Variants in DCAF10 observed in about 807,000 individuals in gnomAD.
DCAF10 encodes the protein DDB1- and CUL4-associated factor 10.
Under a neutral mutation model 51.9 loss-of-function variants are expected in DCAF10, and 19 were observed. The observed-to-expected ratio is 0.37, with a 90% CI of 0.26 to 0.54. The LOEUF (loss-of-function observed/expected upper bound fraction) is 0.54. Ranked by LOEUF, DCAF10 falls within the 20% of genes least tolerant of loss-of-function variation. DCAF10 has a pLI of 0.87. For missense variants in DCAF10, 510 were observed against 730.6 expected (o/e 0.70, Z 3.48); for synonymous variants, 291 against 297.1 (o/e 0.98, Z 0.21).
At position 37,801,424 on chromosome 9, in the gene DCAF10, A is replaced by G. The variant is rs1276686142; in HGVS notation, c.539+19A>G. On this transcript the variant is annotated intron_variant, in intron 1 of 6. Coordinates refer to ENST00000377724, the MANE Select transcript of DCAF10 (RefSeq NM_024345.5). This position sits in a 1 kb window ranked among gnomAD's most constrained non-coding sequence, Gnocchi z 5.5. ...CCGACGGGTAAGCGCGGCCCCTCGG[A>G]GGGCGGGCGCCCGCCTCCGCCCGGC... 2 of 1,427,048 alleles carry G rather than the reference A, an allele frequency of 1.4e-6. No homozygotes were observed. Among genetic ancestry groups the G allele is most frequent in the Non-Finnish European group, 1.8e-6 (2 of 1,087,834 alleles). The allele number at this position is 1,427,048 out of a possible 1,614,324, so 88.4% of individuals were successfully genotyped here.
At chr9:37,818,560 C>G (rs1239049840) in intron 1 of DCAF10, among the ~76,000 whole-genome samples, 1 of 152,096 alleles carries the variant, frequency 6.6e-6, no homozygotes, top group African/African-American at 2.4e-5. Context: ...AAAAATATAA[C>G]TTTGCAGTGG....
chr9:37,802,886 A>C (rs1402055123), intron 1 of DCAF10, among the ~76,000 whole-genome samples: 1 of 152,200 alleles, frequency 6.6e-6, no homozygotes, highest in Non-Finnish European at 1.5e-5. Flanking sequence ...GTCTGTCCTC[A>C]AATATTCAGT....
chr9:37,826,878 A>G (rs10121878), intron 2 of DCAF10, among the ~76,000 whole-genome samples: 1 of 135,710 alleles, frequency 7.4e-6, no homozygotes, highest in East Asian at 2.2e-4. Context: ...CAGGCTGGAG[A>G]GCAATGGCGC....
intron 4 of DCAF10, 113 bp from the exon 5 acceptor site, chr9:37,857,128 T>C (rs984892671): frequency 2.0e-5 from 15 of 734,166 alleles, no homozygotes; most frequent in Non-Finnish European, 3.0e-5. Context: ...GCCAGTGATA[T>C]ATGAGCATTT....
At chr9:37,816,659 G>GGGGGGGGTGTGTGTGTGTGTGTGTGTGT (rs372664140) in intron 1 of DCAF10, among the ~76,000 whole-genome samples, 3 of 144,886 alleles carry the variant, frequency 2.1e-5, no homozygotes, top group East Asian at 2.0e-4. Flanking sequence ...CTGCACCTGG[G>GGGGGGGGTGTGTGTGTGTGTGTGTGTGT]GTGTGTGTGT....
chr9:37,818,903 CA>C (rs1829625186), intron 1 of DCAF10, among the ~76,000 whole-genome samples: 1 of 152,130 alleles, frequency 6.6e-6, no homozygotes, highest in African/African-American at 2.4e-5. Flanking sequence ...GTGTCATGTA[CA>C]TTTAAGATAC....
Position 37,829,841 on chromosome 9 carries a change from TACAA to T in DCAF10, c.653+10445_653+10448del, listed in dbSNP as rs1829957330. ...GGGCAACACAGTGAGACTCCGTCTCTACAAACAATTTAAAAATTAGCCAGGTGTA... is the reference window on the plus strand; with the variant it reads ...GGGCAACACAGTGAGACTCCGTCTCTACAATTTAAAAATTAGCCAGGTGTA... On this transcript the variant is annotated intron_variant, in intron 2 of 6. Transcript: ENST00000377724. The surrounding 1 kb of genome is among the most constrained non-coding windows in gnomAD (Gnocchi z 4.2). 6.6e-6 allele frequency among the ~76,000 whole-genome samples: 1 copy of T among 152,130 alleles called. No homozygotes were observed. The highest frequency in any genetic ancestry group is 2.4e-5 in the African/African-American group (1 of 41,434).
intron 1 of DCAF10, among the ~76,000 whole-genome samples, chr9:37,805,425 A>G (rs1829082458): frequency 6.6e-6 from 1 of 152,172 alleles, no homozygotes. Flanking sequence ...CAGAGGTTGC[A>G]GTGAGCGGAG....
chr9:37,860,246 T>C, intron 6 of DCAF10, 53 bp downstream of exon 6: 1 of 1,609,004 alleles, frequency 6.2e-7, no homozygotes, highest in South Asian at 1.1e-5. Context: ...AAATTGCCAT[T>C]GCCGTGTGTG....
chr9:37,835,888 A>G (rs779985958), intron 2 of DCAF10, among the ~76,000 whole-genome samples: 5 of 152,246 alleles, frequency 3.3e-5, no homozygotes, highest in Non-Finnish European at 7.3e-5. Context: ...TGGAACATCA[A>G]CGTGTAGGTT....
chr9:37,838,541 T>C (rs954801659), intron 2 of DCAF10, among the ~76,000 whole-genome samples: 1 of 152,182 alleles, frequency 6.6e-6, no homozygotes, highest in African/African-American at 2.4e-5. Flanking sequence ...CTCATCTTAG[T>C]GTTTTTTAGT....
chr9:37,801,465 C>T lies in DCAF10; in HGVS notation c.539+60C>T, dbSNP rs116379925. ...TCCGCCCGGCTCTGCTGCCAGCGGA[C>T]GGCCGTCCTGGGCTCGCTCCCCGCG... is the stretch of plus-strand genomic sequence containing the variant. On this transcript the variant is annotated intron_variant, in intron 1 of 6. Transcript: ENST00000377724. The surrounding 1 kb of genome is among the most constrained non-coding windows in gnomAD (Gnocchi z 5.5). 985 of 1,360,808 alleles carry T rather than the reference C, an allele frequency of 7.2e-4. 9 individuals are homozygous for T. The African/African-American group carries it at 0.014, about 19-fold the overall frequency. 84.3% of individuals were successfully genotyped at this position (1,360,808 alleles called of 1,614,324 possible). A position where few individuals can be genotyped will look rare whatever the true frequency, so the allele number is the denominator to read the frequency against.
At position 37,801,295 on chromosome 9, in the gene DCAF10, C is replaced by T. The variant is rs751201578; in HGVS notation, c.429C>T (p.Asp143=). The part of the protein sequence containing the change: ...GRGLFVDPAR[D]NFRTMTSLYG... ...GGCTGTTCGTGGACCCGGCGCGGGA[C>T]AATTTTCGCACCATGACTAGCCTCT... Residue 143 remains aspartate (D), a synonymous_variant, in exon 1 of 7, where the codon GAC becomes GAT. Coordinates refer to ENST00000377724, the MANE Select transcript of DCAF10 (RefSeq NM_024345.5). This position sits in a 1 kb window ranked among gnomAD's most constrained non-coding sequence, Gnocchi z 5.5. 6.3e-7 allele frequency: 1 copy of T among 1,597,534 alleles called. No homozygotes were observed. Among genetic ancestry groups the T allele is most frequent in the East Asian group, 2.3e-5 (1 of 43,136 alleles).
intron 3 of DCAF10, among the ~76,000 whole-genome samples, chr9:37,851,229 G>A (rs1032742757): frequency 2.5e-4 from 38 of 151,960 alleles, no homozygotes; most frequent in Non-Finnish European, 4.7e-4. Context: ...GAGCGACAGA[G>A]TGGAATATAG....
In DCAF10 at chr9:37,862,530, C is replaced by T. The variant is rs912563022; in HGVS notation, c.*1022C>T. ...CCCTGAGCCAGGTGTGACAAGCCAA[C>T]TCTGTCACCATTCGTGAGGGGAGAG... On this transcript the variant is annotated 3_prime_UTR_variant, in exon 7 of 7. Transcript: ENST00000377724. The T allele has an allele frequency of 4.6e-5, 7 of 152,184 alleles. No individual in the cohort carries two copies. Among genetic ancestry groups the T allele is most frequent in the African/African-American group, 1.7e-4 (7 of 41,434 alleles). 9.4% of individuals were successfully genotyped at this position (152,184 alleles called of 1,614,324 possible). A position where few individuals can be genotyped will look rare whatever the true frequency, so the allele number is the denominator to read the frequency against.
intron 3 of DCAF10, among the ~76,000 whole-genome samples, chr9:37,849,973 C>A (rs953693424): frequency 2.0e-5 from 3 of 151,908 alleles, no homozygotes; most frequent in African/African-American, 7.3e-5. Flanking sequence ...ACAGGAGGAC[C>A]CCTTGAGCCC....
At chr9:37,835,213 T>C (rs941821271) in intron 2 of DCAF10, among the ~76,000 whole-genome samples, 1 of 152,162 alleles carries the variant, frequency 6.6e-6, no homozygotes, top group Middle Eastern at 3.4e-3. Flanking sequence ...AGTGGGCAGA[T>C]CAGTTGAGGT....
At position 37,801,306 on chromosome 9, in the gene DCAF10, C is replaced by G; in HGVS notation, c.440C>G (p.Thr147Ser). ...GACCCGGCGCGGGACAATTTTCGCA[C>G]CATGACTAGCCTCTACGGTTCCATC... Reference protein sequence around the residue: ...FVDPARDNFRTMTSLYGSIHP... With the variant: ...FVDPARDNFRSMTSLYGSIHP... The change falls in exon 1 of 7, where the codon ACC (threonine) becomes AGC (serine). Residue 147 changes from threonine (T) to serine (S), a missense_variant. Transcript: ENST00000377724. This position sits in a 1 kb window ranked among gnomAD's most constrained non-coding sequence, Gnocchi z 5.5. 1 of 1,597,408 alleles carries G rather than the reference C, an allele frequency of 6.3e-7. No homozygotes were observed. The highest frequency in any genetic ancestry group is 1.1e-5 in the South Asian group (1 of 88,504).
chr9:37,837,858 AAG>A (rs1491568342), intron 2 of DCAF10, among the ~76,000 whole-genome samples: 2 of 151,858 alleles, frequency 1.3e-5, no homozygotes, highest in Non-Finnish European at 2.9e-5. Context: ...AAAAAAAAAA[AAG>A]AATTAAAATT....
Sources: allele counts gnomAD v4.1 joint callset (sites outside exome capture counted in the v4.1 genomes callset), GRCh38; gene constraint gnomAD v4.1.1; non-coding constraint Gnocchi (gnomAD v3.1); transcripts MANE v1.5; gene names NCBI Gene and HGNC (gene_info 2026-07-23, HGNC 2026-07-21).